TARS2: variants seen among roughly 807,000 people sequenced by gnomAD.
TARS2 encodes the protein threonyl-tRNA synthetase 2, mitochondrial.
Under a neutral mutation model 94.4 loss-of-function variants are expected in TARS2, and 61 were observed. The observed-to-expected ratio is 0.65, with a 90% CI of 0.53 to 0.80. TARS2 has a LOEUF of 0.80. Among genes scored for constraint, TARS2 ranks in the 30% least tolerant of loss-of-function variants. The probability of loss-of-function intolerance (pLI) is 0.00; values close to 1 mark genes in which losing one functional copy is unlikely to be tolerated. For synonymous variants in TARS2, 359 were observed against 353.4 expected, an observed-to-expected ratio of 1.02 and a Z score of -0.18; for missense variants, 704 against 902.5, an observed-to-expected ratio of 0.78 and a Z score of 2.82.
rs375391784 is a variant in TARS2, at chr1:150,487,879, C to T, written c.88C>T (p.Arg30Cys). The change falls in exon 2 of 18, where the codon CGC becomes TGC. Residue 30 changes from arginine (R) to cysteine (C), a missense_variant. Arg to Cys is a radical substitution (Grantham distance 180, BLOSUM62 -3). Transcript: ENST00000369064. ...CCAGGCAGTTGTGTCGACCCCTCCA[C>T]GCTGGTTGGCAGAGCGGCTTGGCCT... ...LHTAVVSTPP[R>C]WLAERLGLFE... 33 of 1,613,114 alleles carry T rather than the reference C, an allele frequency of 2.0e-5. No individual in the cohort carries two copies. Among genetic ancestry groups the T allele is most frequent in the Admixed American group, 5.0e-5 (3 of 59,986 alleles).
In TARS2 at chr1:150,496,908, G is replaced by A; in HGVS notation, c.1020G>A (p.Arg340=). 6.2e-7 allele frequency: 1 copy of A among 1,613,950 alleles called. No homozygotes were observed. ...ATAATGCACTAGTGGCGTTTATCAG[G>A]GTAAGGGGACCCAGGTCTAGAGGAA... The part of the protein sequence containing the change: ...RVYNALVAFI[R]AEYAHRGFSE... Residue 340 remains arginine, a splice_region_variant and synonymous_variant, in exon 9 of 18, where the codon AGG becomes AGA. Transcript: ENST00000369064.
At chr1:150,492,293 T>C (rs1669431627) in intron 6 of TARS2, 118 bp from the exon 7 acceptor site, 5 of 1,056,154 alleles carry the variant, frequency 4.7e-6, no homozygotes, top group Non-Finnish European at 7.1e-6. Flanking sequence ...GCCATTGCCC[T>C]CTCTCAGTAG....
At chr1:150,491,534 C>T (rs199676663) in intron 5 of TARS2, 23 bp downstream of exon 5, 2 of 1,613,974 alleles carry the variant, frequency 1.2e-6, no homozygotes, top group Admixed American at 1.7e-5. Flanking sequence ...GAAGAGGTGG[C>T]TCTTCCAGGA....
Position 150,504,667 on chromosome 1 carries a change from A to C in TARS2, c.1754A>C (p.His585Pro). Residue 585 changes from histidine (H) to proline (P), a missense_variant, in exon 15 of 18, where the codon CAC becomes CCC. Transcript: ENST00000369064. ...GCCCTGGAGCGTCCAGTCCTCATTC[A>C]CCGAGCAGTGCTCGGTTCTGTGGAA... ...AGALERPVLI[H>P]RAVLGSVERL... The C allele has an allele frequency of 6.2e-7, 1 of 1,613,398 alleles. No homozygotes were observed. The highest frequency in any genetic ancestry group is 8.5e-7 in the Non-Finnish European group (1 of 1,179,846).
At chr1:150,490,497 G>T in intron 3 of TARS2, 104 bp from the exon 4 acceptor site, 1 of 1,478,822 alleles carries the variant, frequency 6.8e-7, no homozygotes, top group Admixed American at 2.4e-5. Context: ...ATTCCTAGAA[G>T]AACCATACCG....
chr1:150,489,225 T>TA (rs1669275244), intron 3 of TARS2, 138 bp downstream of exon 3: 1 of 1,297,150 alleles, frequency 7.7e-7, no homozygotes. Context: ...CTGTCTTGAC[T>TA]ATTTCTGGTT....
At chr1:150,491,327 C>T in intron 4 of TARS2, 67 bp from the exon 5 acceptor site, 2 of 1,511,160 alleles carry the variant, frequency 1.3e-6, no homozygotes, top group Non-Finnish European at 1.8e-6. Context: ...CGCTAGCCAA[C>T]AGGTGTGTCA....
At chr1:150,493,846 G>C (rs1162885747) in intron 7 of TARS2, among the ~76,000 whole-genome samples, 2 of 151,378 alleles carry the variant, frequency 1.3e-5, no homozygotes, top group Non-Finnish European at 2.9e-5. Flanking sequence ...GGGAAATGCA[G>C]ATGTGTAGAG....
chr1:150,491,961 G>GTTTTT (rs367685337), intron 6 of TARS2: 545 of 128,576 alleles, frequency 4.2e-3, no homozygotes, highest in South Asian at 8.5e-3. Context: ...TGCCTGGCTA[G>GTTTTT]TTTTTTTTTT....
intron 13 of TARS2, among the ~76,000 whole-genome samples, chr1:150,501,724 G>A (rs1488348491): frequency 6.6e-6 from 1 of 151,892 alleles, no homozygotes; most frequent in Non-Finnish European, 1.5e-5. Context: ...AGGCTGAGGT[G>A]GGAGGATCAC....
intron 6 of TARS2, 131 bp downstream of exon 6, chr1:150,491,793 T>A (rs1011203843): frequency 2.5e-6 from 1 of 395,212 alleles, no homozygotes; most frequent in South Asian, 4.6e-5. Context: ...TGGGAATTGA[T>A]TTTTTTTTTT....
intron 17 of TARS2, among the ~76,000 whole-genome samples, chr1:150,506,488 A>ACACACACACACGCG: frequency 2.4e-5 from 1 of 41,708 alleles, no homozygotes; most frequent in South Asian, 1.4e-3. Context: ...ACGCGCGCGC[A>ACACACACACACGCG]CACACACACA....
Position 150,490,623 on chromosome 1 carries a change from A to T in TARS2, c.410A>T (p.His137Leu). The T allele has an allele frequency of 6.2e-7, 1 of 1,613,978 alleles. No individual in the cohort carries two copies. Among genetic ancestry groups the T allele is most frequent in the African/African-American group, 1.3e-5 (1 of 75,032 alleles). The change falls in exon 4 of 18, where the codon CAT (histidine) becomes CTT (leucine). Residue 137 changes from histidine (H) to leucine (L), a missense_variant. His to Leu is a moderately conservative substitution (Grantham distance 99). Transcript: ENST00000369064. ...CAGGTGTTCTGGCACTCCAGCACCC[A>T]TGTCCTGGGGGCAGCAGCTGAACAA... Reference protein sequence around the residue: ...GKAVFWHSSTHVLGAAAEQFL... With the variant: ...GKAVFWHSSTLVLGAAAEQFL...
At chr1:150,503,018 G>A (rs1453236477) in intron 13 of TARS2, among the ~76,000 whole-genome samples, 1 of 152,188 alleles carries the variant, frequency 6.6e-6, no homozygotes, top group East Asian at 1.9e-4. Context: ...TGCTGGCTCA[G>A]ATACTGCTAT....
At chr1:150,490,550 G>A in intron 3 of TARS2, 51 bp from the exon 4 acceptor site, 1 of 1,584,184 alleles carries the variant, frequency 6.3e-7, no homozygotes, top group East Asian at 2.3e-5. Flanking sequence ...AGAGATCTAG[G>A]GGTTAAGGGA....
Position 150,507,329 on chromosome 1 carries a change from G to A in TARS2, c.*265G>A, listed in dbSNP as rs1328717319. The A allele has an allele frequency of 2.8e-6, 1 of 357,530 alleles. No individual in the cohort carries two copies. Among genetic ancestry groups the A allele is most frequent in the Non-Finnish European group, 5.1e-6 (1 of 195,460 alleles). 22.1% of individuals were successfully genotyped at this position (357,530 alleles called of 1,614,324 possible). A position where few individuals can be genotyped will look rare whatever the true frequency, so the allele number is the denominator to read the frequency against. ...TCATGCCTGTAATCCCAGCACTCTG[G>A]GAGGCTGAGGCGGACGGATCATGAG... is the stretch of plus-strand genomic sequence containing the variant. On this transcript the variant is annotated 3_prime_UTR_variant, in exon 18 of 18. Transcript: ENST00000369064.
intron 12 of TARS2, 78 bp from the exon 13 acceptor site, chr1:150,499,138 A>G (rs1669799086): frequency 6.2e-7 from 1 of 1,609,574 alleles, no homozygotes; most frequent in Non-Finnish European, 8.5e-7. Context: ...TGAGTGGGTC[A>G]TTTGTTGGGG....
chr1:150,504,414 G>A lies in TARS2; in HGVS notation c.1697G>A (p.Arg566Lys). ...TIQLDFQLPL[R>K]FDLQYKGQAG... ...CAGCTTGACTTCCAACTGCCCCTGA[G>A]ATTTGACCTCCAGTATAAGGGGTAT... Residue 566 changes from arginine (R) to lysine (K), a missense_variant, in exon 14 of 18, where the codon AGA (arginine) becomes AAA (lysine). By Grantham distance (26) the Arg-to-Lys change is conservative. Transcript: ENST00000369064. 4 of 1,614,098 alleles carry A rather than the reference G, an allele frequency of 2.5e-6. No homozygotes were observed. The highest frequency in any genetic ancestry group is 3.4e-6 in the Non-Finnish European group (4 of 1,180,020).
At chr1:150,489,839 G>A (rs2102474449) in intron 3 of TARS2, among the ~76,000 whole-genome samples, 1 of 152,244 alleles carries the variant, frequency 6.6e-6, no homozygotes, top group East Asian at 1.9e-4. Context: ...CTAATTGAGA[G>A]GCTGAGGCAG....
Sources: allele counts gnomAD v4.1 joint callset (sites outside exome capture counted in the v4.1 genomes callset), GRCh38; gene constraint gnomAD v4.1.1; transcripts MANE v1.5; gene names NCBI Gene and HGNC (gene_info 2026-07-23, HGNC 2026-07-21).